PHF21B: variants seen among roughly 807,000 people sequenced by gnomAD.
PHF21B encodes the protein PHD finger protein 4.
Under a neutral mutation model 62.2 loss-of-function variants are expected in PHF21B, and 22 were observed. The ratio of observed to expected loss-of-function variants is 0.35; its 90% CI spans 0.25 to 0.51. The LOEUF (loss-of-function observed/expected upper bound fraction) is 0.51. Ranked by LOEUF, PHF21B falls within the 20% of genes least tolerant of loss-of-function variation. The pLI is 0.97. For synonymous variants in PHF21B, 341 were observed against 314.7 expected (o/e 1.08, Z -0.88); for missense variants, 701 against 707.9 (o/e 0.99, Z 0.11).
intron 2 of PHF21B, among the ~76,000 whole-genome samples, chr22:44,928,180 G>A (rs1023579269): frequency 6.6e-6 from 1 of 152,242 alleles, no homozygotes; most frequent in Non-Finnish European, 1.5e-5. Flanking sequence ...CATCAGCTGT[G>A]CGGGACCCCT....
chr22:44,900,584 AG>A (rs1273191162), intron 5 of PHF21B, among the ~76,000 whole-genome samples: 1 of 152,240 alleles, frequency 6.6e-6, no homozygotes, highest in Non-Finnish European at 1.5e-5. Flanking sequence ...TACAGGCGTG[AG>A]CCACTGCACC....
Position 44,979,068 on chromosome 22 carries a change from C to A in PHF21B, c.120+29477G>T, listed in dbSNP as rs574356095. On this transcript the variant is annotated intron_variant, in intron 2 of 12. Coordinates refer to ENST00000313237, the MANE Select transcript of PHF21B (RefSeq NM_138415.5). The stretch of plus-strand genomic sequence containing the variant: ...CTTCCAGCTTTGTCCCTTTCCAGCA[C>A]CCCTAGACCTCGCTGCCACGTGGCT... Among the ~76,000 whole-genome samples the A allele has an allele frequency of 3.9e-5, 6 of 152,378 alleles. No individual in the cohort carries two copies. The South Asian group carries it at 1.2e-3, about 32-fold the overall frequency.
At chr22:44,931,606 G>A (rs550207591) in intron 2 of PHF21B, among the ~76,000 whole-genome samples, 61 of 146,792 alleles carry the variant, frequency 4.2e-4, no homozygotes, top group Non-Finnish European at 6.7e-4. Flanking sequence ...CACTCTGAAT[G>A]GCATCATGAA....
At chr22:44,945,308 G>T (rs1465367477) in intron 2 of PHF21B, among the ~76,000 whole-genome samples, 1 of 152,204 alleles carries the variant, frequency 6.6e-6, no homozygotes, top group Non-Finnish European at 1.5e-5. Flanking sequence ...GTCTGACCCA[G>T]GCTCCCCCAG....
intron 2 of PHF21B, among the ~76,000 whole-genome samples, chr22:44,968,063 G>A (rs1263373668): frequency 6.6e-6 from 1 of 152,120 alleles, no homozygotes; most frequent in Non-Finnish European, 1.5e-5. Flanking sequence ...CCTGGCTGAG[G>A]TGTGACTGTC....
chr22:44,932,902 G>A (rs534671675), intron 2 of PHF21B, among the ~76,000 whole-genome samples: 19 of 151,974 alleles, frequency 1.3e-4, no homozygotes, highest in African/African-American at 4.6e-4. Flanking sequence ...CACTGGATTT[G>A]ACAAACATCT....
intron 5 of PHF21B, among the ~76,000 whole-genome samples, chr22:44,908,618 A>T (rs957731633): frequency 1.3e-5 from 2 of 152,190 alleles, no homozygotes; most frequent in Non-Finnish European, 2.9e-5. Flanking sequence ...GGAGTTGCCC[A>T]AACACCAATC....
At chr22:44,901,807 A>C in intron 5 of PHF21B, 1 of 289,810 alleles carries the variant, frequency 3.5e-6, no homozygotes, top group Non-Finnish European at 6.7e-6. Context: ...CAGCTGCTAA[A>C]TCCAAGGTTG....
At chr22:44,969,846 T>C (rs919361633) in intron 2 of PHF21B, among the ~76,000 whole-genome samples, 2 of 152,102 alleles carry the variant, frequency 1.3e-5, no homozygotes, top group African/African-American at 4.8e-5. Flanking sequence ...ATTTTACAGA[T>C]GAGGAAATGG....
At chr22:44,933,593 G>T in intron 2 of PHF21B, 1 of 958,658 alleles carries the variant, frequency 1.0e-6, no homozygotes, top group Non-Finnish European at 1.2e-6. Flanking sequence ...GAAGGTCTCG[G>T]CTACATAGAA....
intron 2 of PHF21B, among the ~76,000 whole-genome samples, chr22:44,991,072 A>G (rs1237411858): frequency 6.6e-6 from 1 of 152,204 alleles, no homozygotes; most frequent in African/African-American, 2.4e-5. Flanking sequence ...GGTGCCGTCC[A>G]TCGGGCAGGG....
intron 2 of PHF21B, among the ~76,000 whole-genome samples, chr22:44,995,507 T>G (rs965067472): frequency 1.3e-5 from 2 of 152,122 alleles, no homozygotes; most frequent in Admixed American, 1.3e-4. Flanking sequence ...CCCGAGGCAC[T>G]CTGGTTGTGT....
intron 5 of PHF21B, among the ~76,000 whole-genome samples, chr22:44,900,066 A>C (rs2071130159): frequency 1.3e-5 from 2 of 152,230 alleles, no homozygotes; most frequent in Non-Finnish European, 2.9e-5. Context: ...AGATAAGCTC[A>C]TCTGAGAACT....
Position 45,009,274 on chromosome 22 carries a change from C to T in PHF21B, c.54+222G>A. 1.8e-6 allele frequency: 1 copy of T among 554,098 alleles called. No homozygotes were observed. The allele number at this position is 554,098 out of a possible 1,614,324, so 34.3% of individuals were successfully genotyped here. A position where few individuals can be genotyped will look rare whatever the true frequency, so the allele number is the denominator to read the frequency against. On this transcript the variant is annotated intron_variant, in intron 1 of 12. Coordinates refer to ENST00000313237, the MANE Select transcript of PHF21B (RefSeq NM_138415.5). This position sits in a 1 kb window ranked among gnomAD's most constrained non-coding sequence, Gnocchi z 5.9. ...GAAGACTCCAGGCTCGGGTCCCACG[C>T]GTCCTCGATCCCGCAAACTGTGCAG...
chr22:44,910,836 G>T (rs145228658), intron 5 of PHF21B, among the ~76,000 whole-genome samples: 211 of 152,346 alleles, frequency 1.4e-3, no homozygotes, highest in African/African-American at 4.7e-3. Context: ...AGTGACTTTG[G>T]AACTGGGTAA....
At chr22:45,007,527 T>G (rs1049963987) in intron 2 of PHF21B, among the ~76,000 whole-genome samples, 9 of 77,334 alleles carry the variant, frequency 1.2e-4, no homozygotes, top group African/African-American at 4.6e-4. Flanking sequence ...ACGCGATCGA[T>G]GGCCGGGGGC....
At chr22:44,934,324 G>A (rs2071802793) in intron 2 of PHF21B, among the ~76,000 whole-genome samples, 3 of 152,210 alleles carry the variant, frequency 2.0e-5, no homozygotes, top group Admixed American at 2.0e-4. Context: ...CACCGCACGC[G>A]ACCTAAGACA....
intron 2 of PHF21B, among the ~76,000 whole-genome samples, chr22:44,945,030 A>G (rs554979309): frequency 6.6e-6 from 1 of 152,320 alleles, no homozygotes; most frequent in South Asian, 2.1e-4. Context: ...CTGCACCTCA[A>G]AGGTGCTTGC....
intron 2 of PHF21B, among the ~76,000 whole-genome samples, chr22:44,978,582 C>T (rs2072781314): frequency 6.6e-6 from 1 of 152,224 alleles, no homozygotes. Flanking sequence ...TGGTCTCAAA[C>T]TCCTGACCTC....
Sources: gnomAD v4.1 joint callset for allele counts (sites outside exome capture counted in the v4.1 genomes callset) on GRCh38, gnomAD v4.1.1 for gene constraint, Gnocchi (gnomAD v3.1) non-coding constraint, MANE v1.5 for transcripts, NCBI Gene and HGNC (gene_info 2026-07-23, HGNC 2026-07-21) for gene names.